Variants in MTMR8 observed in about 807,000 individuals in gnomAD.
The protein encoded by MTMR8 is myotubularin related protein 8.
Under a neutral mutation model 39.3 loss-of-function variants are expected in MTMR8, and 65 were observed. That is an observed-to-expected ratio of 1.65 (90% CI 1.35 to 2.03). MTMR8 has a LOEUF of 2.03. MTMR8 is among the 30% of genes most tolerant of loss of function. The pLI is 0.00. For missense variants in MTMR8, 777 were observed against 538.9 expected (o/e 1.44, Z -4.37); for synonymous variants, 245 against 185.2 (o/e 1.32, Z -2.62).
At chrX:64,279,679 C>T (rs1466981967) in intron 12 of MTMR8, among the ~76,000 whole-genome samples, 2 of 111,625 alleles carry the variant, frequency 1.8e-5, no homozygotes, top group Non-Finnish European at 3.8e-5. Context: ...ATAGCAAAAA[C>T]AATCTTGAAA....
chrX:64,330,387 A>G (rs1055376838), intron 11 of MTMR8, among the ~76,000 whole-genome samples: 1 of 111,349 alleles, frequency 9.0e-6, no homozygotes, highest in Admixed American at 9.6e-5. Context: ...AAACAGAAAG[A>G]CTCATTATTG....
intron 12 of MTMR8, among the ~76,000 whole-genome samples, chrX:64,313,555 C>T (rs1922376725): frequency 8.9e-6 from 1 of 112,513 alleles, no homozygotes; most frequent in Non-Finnish European, 1.9e-5. Flanking sequence ...TGCAAGAGCC[C>T]TAGCTTTTGT....
chrX:64,338,164 C>G (rs1923124289), intron 8 of MTMR8, among the ~76,000 whole-genome samples: 1 of 112,104 alleles, frequency 8.9e-6, no homozygotes, highest in South Asian at 3.7e-4. Flanking sequence ...GAAGAAAGAG[C>G]TGGGTTTCCT....
intron 8 of MTMR8, among the ~76,000 whole-genome samples, chrX:64,340,783 G>T (rs1369902847): frequency 1.8e-5 from 2 of 111,645 alleles, no homozygotes; most frequent in Non-Finnish European, 1.9e-5. Flanking sequence ...AAATGATACT[G>T]GATTTCACTA....
intron 1 of MTMR8, among the ~76,000 whole-genome samples, chrX:64,368,356 C>T (rs1416063676): frequency 9.0e-6 from 1 of 111,679 alleles, no homozygotes; most frequent in Non-Finnish European, 1.9e-5. Context: ...TGACTTCAAA[C>T]TATACTTCAA....
intron 1 of MTMR8, among the ~76,000 whole-genome samples, chrX:64,391,668 C>A (rs1014117493): frequency 2.7e-5 from 3 of 112,223 alleles, no homozygotes; most frequent in Non-Finnish European, 5.6e-5. Flanking sequence ...CTAAATTAAG[C>A]ATCTACCATG....
chrX:64,324,333 G>T (rs1307205396), intron 12 of MTMR8, among the ~76,000 whole-genome samples: 3 of 111,838 alleles, frequency 2.7e-5, no homozygotes, highest in Non-Finnish European at 5.6e-5. Context: ...CTGTACTGCA[G>T]CTTGGTAAAC....
chrX:64,317,606 G>T (rs1922507507), intron 12 of MTMR8, among the ~76,000 whole-genome samples: 1 of 111,690 alleles, frequency 9.0e-6, no homozygotes, highest in African/African-American at 3.3e-5. Flanking sequence ...GTTTGCAATT[G>T]TTTCTTGAGG....
At chrX:64,297,763 G>A (rs1240176653) in intron 12 of MTMR8, among the ~76,000 whole-genome samples, 1 of 110,675 alleles carries the variant, frequency 9.0e-6, no homozygotes, top group Non-Finnish European at 1.9e-5. Flanking sequence ...TTTGTATAAG[G>A]TGTAAGGAAA....
In MTMR8 at chrX:64,345,104, C is replaced by A; in HGVS notation, c.806G>T (p.Arg269Ile). 2 of 1,211,114 alleles carry A rather than the reference C, an allele frequency of 1.7e-6. No individual in the cohort carries two copies. Among genetic ancestry groups the A allele is most frequent in the Non-Finnish European group, 2.2e-6 (2 of 894,891 alleles). Reference sequence around the variant, plus strand: ...ATGGATGTTCTCAATGCCCATGAATCTGAAGCGAATGTTGGCATAGTTGTC... The same window carrying A: ...ATGGATGTTCTCAATGCCCATGAATATGAAGCGAATGTTGGCATAGTTGTC... ...NEDNYANIRF[R>I]FMGIENIHVM... The change falls in exon 7 of 14, where the codon AGA (arginine) becomes ATA (isoleucine). Residue 269 changes from arginine (R) to isoleucine (I), a missense_variant. Transcript: ENST00000374852.
intron 13 of MTMR8, among the ~76,000 whole-genome samples, chrX:64,270,376 C>T (rs1931732596): frequency 8.9e-6 from 1 of 112,166 alleles, no homozygotes; most frequent in African/African-American, 3.2e-5. Flanking sequence ...CTAAGAGGTA[C>T]CTTTCCCCTG....
At chrX:64,343,867 ACAGAAC>A (rs1923280876) in intron 7 of MTMR8, 147 bp from the exon 8 acceptor site, 1 of 458,983 alleles carries the variant, frequency 2.2e-6, no homozygotes, top group Non-Finnish European at 3.8e-6. Context: ...TGAGTCAGGG[ACAGAAC>A]TAGGTCTAAA....
chrX:64,289,636 C>CAAAAAAAAAAAA lies in MTMR8; in HGVS notation c.1482-18575_1482-18564dup, dbSNP rs749879321. On this transcript the variant is annotated intron_variant, in intron 12 of 13. Transcript: ENST00000374852. ...TGGGTGACAGAGTGAGACTCCATCG[C>CAAAAAAAAAAAA]AAAAAAAAAAAAAAAAAAAAAAAAA... Among the ~76,000 whole-genome samples, 71 of 26,424 alleles carry CAAAAAAAAAAAA rather than the reference C, an allele frequency of 2.7e-3. 7 individuals carry two copies. Among genetic ancestry groups the CAAAAAAAAAAAA allele is most frequent in the African/African-American group, 7.1e-3 (69 of 9,759 alleles). The allele number at this position is 26,424 out of a possible 115,157, so 22.9% of individuals were successfully genotyped here.
At chrX:64,322,140 C>A (rs1316573956) in intron 12 of MTMR8, among the ~76,000 whole-genome samples, 1 of 108,848 alleles carries the variant, frequency 9.2e-6, no homozygotes, top group Non-Finnish European at 1.9e-5. Flanking sequence ...ATCTCCTAGG[C>A]TTCAGTCATT....
At position 64,344,441 on chromosome X, in the gene MTMR8, T is replaced by A. The variant is rs186021287; in HGVS notation, c.865+604A>T. Among the ~76,000 whole-genome samples the A allele has an allele frequency of 3.0e-3, 333 of 111,297 alleles. 1 individual carries two copies. The highest frequency in any genetic ancestry group is 0.011 in the African/African-American group (329 of 30,596). The stretch of plus-strand genomic sequence containing the variant: ...CTAAAGAAGGCAGGTTTTCACTATC[T>A]CTGCCTGAGTTGACATAGAACATCA... On this transcript the variant is annotated intron_variant, in intron 7 of 13. Coordinates refer to ENST00000374852, the MANE Select transcript of MTMR8 (RefSeq NM_017677.4).
At chrX:64,385,216 C>T (rs886785099) in intron 1 of MTMR8, among the ~76,000 whole-genome samples, 12 of 112,354 alleles carry the variant, frequency 1.1e-4, no homozygotes, top group Non-Finnish European at 2.1e-4. Context: ...GACTATTGCT[C>T]TAGTTCCCAG....
intron 1 of MTMR8, among the ~76,000 whole-genome samples, chrX:64,387,559 T>G (rs1924592548): frequency 1.8e-5 from 2 of 110,080 alleles, no homozygotes; most frequent in African/African-American, 6.6e-5. Flanking sequence ...GACCCTCCCC[T>G]CTTTCTACTC....
rs1366096715 is a variant in MTMR8 at position 64,271,082 on chromosome X, G to A, written c.1482-9C>T. 1.7e-6 allele frequency: 2 copies of A among 1,177,211 alleles called. No individual in the cohort carries two copies. The highest frequency in any genetic ancestry group is 2.5e-5 in the Admixed American group (1 of 39,745). ...ACATCCCACACCAGAACCTCAAATA[G>A]ACAAAAATGGGGGGAAAAGTGGGTT... On this transcript the variant is annotated splice_polypyrimidine_tract_variant and intron_variant, in intron 12 of 13. Transcript: ENST00000374852.
At chrX:64,375,473 C>T (rs1207978778) in intron 1 of MTMR8, among the ~76,000 whole-genome samples, 1 of 111,580 alleles carries the variant, frequency 9.0e-6, no homozygotes, top group Non-Finnish European at 1.9e-5. Context: ...GGAAAGTTAT[C>T]AGGAATGAAG....
Sources: gnomAD v4.1 joint callset for allele counts (sites outside exome capture counted in the v4.1 genomes callset) on GRCh38, gnomAD v4.1.1 for gene constraint, MANE v1.5 for transcripts, NCBI Gene and HGNC (gene_info 2026-07-23, HGNC 2026-07-21) for gene names.